The following BRIP1 variants were observed in gnomAD, a reference collection of about 807,000 sequenced individuals.
BRIP1 encodes BRCA1 interacting DNA helicase 1.
A neutral mutation model predicts 119.7 loss-of-function variants in BRIP1; 88 were observed. The observed-to-expected ratio is 0.74, with a 90% CI of 0.62 to 0.88. The LOEUF (loss-of-function observed/expected upper bound fraction) is 0.88, where lower values mean the gene tolerates loss of function less well. BRIP1 is among the 40% of genes least tolerant of loss of function. The probability of loss-of-function intolerance (pLI) is 0.00; values close to 1 mark genes in which losing one functional copy is unlikely to be tolerated. For synonymous variants in BRIP1, 443 were observed against 496.5 expected, an observed-to-expected ratio of 0.89 and a Z score of 1.43; for missense variants, 1,259 against 1,455.4, an observed-to-expected ratio of 0.87 and a Z score of 2.20.
intron 17 of BRIP1, among the ~76,000 whole-genome samples, chr17:61,696,683 T>C (rs1318934477): frequency 1.1e-4 from 12 of 105,804 alleles, no homozygotes; most frequent in Non-Finnish European, 1.5e-4. Flanking sequence ...AGACTTTGTC[T>C]CACAAAAAAA....
rs2078021967 is a variant in BRIP1 at position 61,803,199 on chromosome 17, ATTC to A, written c.919-1728_919-1726del. Among the ~76,000 whole-genome samples the A allele has an allele frequency of 6.6e-6, 1 of 152,174 alleles. No homozygotes were observed. Among genetic ancestry groups the A allele is most frequent in the South Asian group, 2.1e-4 (1 of 4,820 alleles). The stretch of plus-strand genomic sequence containing the variant: ...AACCTCCGCCTCCCAGGTTCAAGCA[ATTC>A]TTGTGCCTCAGCCACCAAGTAGCTG... On this transcript the variant is annotated intron_variant, in intron 7 of 19. Coordinates refer to ENST00000259008, the MANE Select transcript of BRIP1 (RefSeq NM_032043.3). This position sits in a 1 kb window ranked among gnomAD's most constrained non-coding sequence, Gnocchi z 4.3.
Position 61,744,339 on chromosome 17 carries a change from G to A in BRIP1, c.2257+93C>T. 3 of 1,346,310 alleles carry A rather than the reference G, an allele frequency of 2.2e-6. No individual in the cohort carries two copies. The South Asian group carries it at 3.8e-5, about 17-fold the overall frequency. 83.4% of individuals were successfully genotyped at this position (1,346,310 alleles called of 1,614,324 possible). On this transcript the variant is annotated intron_variant, in intron 15 of 19. Coordinates refer to ENST00000259008, the MANE Select transcript of BRIP1 (RefSeq NM_032043.3). The surrounding 1 kb of genome is among the most constrained non-coding windows in gnomAD (Gnocchi z 5.0). Reference sequence around the variant, plus strand: ...CAGGATTATAATTTTTCTCTTAAGTGTAATTCATCTAAAAATATAAAATTA... The same window carrying A: ...CAGGATTATAATTTTTCTCTTAAGTATAATTCATCTAAAAATATAAAATTA...
chr17:61,680,843 CT>C lies in BRIP1; in HGVS notation c.*2452del, dbSNP rs2061260752. Among the ~76,000 whole-genome samples the C allele has an allele frequency of 6.6e-6, 1 of 152,146 alleles. No individual in the cohort carries two copies. Among genetic ancestry groups the C allele is most frequent in the African/African-American group, 2.4e-5 (1 of 41,416 alleles). ...TAGCATTGCGAAAATAAATATCTAG[CT>C]TTCCAAGTTATTATGCACATATACC... is the stretch of plus-strand genomic sequence containing the variant. On this transcript the variant is annotated 3_prime_UTR_variant, in exon 20 of 20. Transcript: ENST00000259008.
In BRIP1 at chr17:61,683,515, T is replaced by C. The variant is rs181186298; in HGVS notation, c.3531A>G (p.Lys1177=). The C allele has an allele frequency of 1.2e-6, 2 of 1,613,544 alleles. No individual in the cohort carries two copies. The highest frequency in any genetic ancestry group is 2.2e-5 in the East Asian group (1 of 44,848). Residue 1177 remains lysine, a synonymous_variant, in exon 20 of 20, where the codon AAA becomes AAG. Transcript: ENST00000259008. The surrounding 1 kb of genome is among the most constrained non-coding windows in gnomAD (Gnocchi z 4.7). The stretch of plus-strand genomic sequence containing the variant: ...TCACTTCTCTGGCTGAATCTACTTC[T>C]TTTATAGTTCTAATTTCAAAAAGGT... The part of the protein sequence containing the change: ...AKDLFEIRTI[K]EVDSAREVKA...
intron 6 of BRIP1, among the ~76,000 whole-genome samples, chr17:61,836,935 T>C (rs1478100688): frequency 1.3e-5 from 2 of 152,204 alleles, no homozygotes; most frequent in African/African-American, 4.8e-5. Flanking sequence ...AGAGCCAGAC[T>C]GCCTGGGTTT....
At chr17:61,850,751 C>A (rs1328076294) in intron 4 of BRIP1, among the ~76,000 whole-genome samples, 5 of 151,738 alleles carry the variant, frequency 3.3e-5, no homozygotes, top group African/African-American at 9.7e-5. Flanking sequence ...TCTCTTGAAC[C>A]TGGGAGGCAG....
intron 3 of BRIP1, among the ~76,000 whole-genome samples, chr17:61,858,465 C>T (rs2078929435): frequency 6.6e-6 from 1 of 151,992 alleles, no homozygotes; most frequent in Admixed American, 6.6e-5. Flanking sequence ...CCTCCACCTC[C>T]CAGGTTCAAG....
At chr17:61,698,596 T>TC (rs2061562698) in intron 17 of BRIP1, among the ~76,000 whole-genome samples, 1 of 152,254 alleles carries the variant, frequency 6.6e-6, no homozygotes, top group African/African-American at 2.4e-5. Context: ...TATGGAAGTC[T>TC]CCAAGTATTA....
In BRIP1 at chr17:61,743,413, T is replaced by G. The variant is rs1238657706; in HGVS notation, c.2258-279A>C. On this transcript the variant is annotated intron_variant, in intron 15 of 19. Coordinates refer to ENST00000259008, the MANE Select transcript of BRIP1 (RefSeq NM_032043.3). The surrounding 1 kb of genome is among the most constrained non-coding windows in gnomAD (Gnocchi z 4.3). ...AAACATGTCAGAATAGCAACTTGCA[T>G]ATGAACTGTGTGATTATAAACAGGT... Among the ~76,000 whole-genome samples the G allele has an allele frequency of 1.3e-4, 20 of 152,202 alleles. No homozygotes were observed. The highest frequency in any genetic ancestry group is 2.9e-4 in the Non-Finnish European group (20 of 68,032).
chr17:61,816,402 T>C lies in BRIP1; in HGVS notation c.628-7645A>G, dbSNP rs769759700. On this transcript the variant is annotated intron_variant, in intron 6 of 19. Transcript: ENST00000259008. The surrounding 1 kb of genome is among the most constrained non-coding windows in gnomAD (Gnocchi z 5.0). ...GAAGGTTGTAAGCAATATGTTAAAC[T>C]GCAGTGGGCTAGCACATTAAGACAG... Among the ~76,000 whole-genome samples, 15 of 152,216 alleles carry C rather than the reference T, an allele frequency of 9.9e-5. No homozygotes were observed. The highest frequency in any genetic ancestry group is 2.9e-5 in the Non-Finnish European group (2 of 68,028).
In BRIP1 at chr17:61,683,918, C is replaced by T. The variant is rs1555572825; in HGVS notation, c.3128G>A (p.Ser1043Asn). ...PPRFKTEKME[S>N]KTVLPFTDKC... ...ATCAGTGAAGGGCAAAACAGTTTTACTTTCCATCTTCTCTGTTTTGAAACG... is the reference window on the plus strand; with the variant it reads ...ATCAGTGAAGGGCAAAACAGTTTTATTTTCCATCTTCTCTGTTTTGAAACG... Residue 1043 changes from serine (S) to asparagine (N), a missense_variant, in exon 20 of 20, where the codon AGT becomes AAT. Transcript: ENST00000259008. This position sits in a 1 kb window ranked among gnomAD's most constrained non-coding sequence, Gnocchi z 4.7. The T allele has an allele frequency of 1.2e-6, 2 of 1,614,188 alleles. No homozygotes were observed. Among genetic ancestry groups the T allele is most frequent in the Non-Finnish European group, 1.7e-6 (2 of 1,180,028 alleles).
rs8067244 is a variant in BRIP1, at chr17:61,825,193, G to C, written c.628-16436C>G. On this transcript the variant is annotated intron_variant, in intron 6 of 19. Coordinates refer to ENST00000259008, the MANE Select transcript of BRIP1 (RefSeq NM_032043.3). The surrounding 1 kb of genome is among the most constrained non-coding windows in gnomAD (Gnocchi z 4.1). Reference sequence around the variant, plus strand: ...TCAGCTACTAGGGAGGCTGAGGCAGGAGAATGGCGTGAACCTGGGAGGCGG... The same window carrying C: ...TCAGCTACTAGGGAGGCTGAGGCAGCAGAATGGCGTGAACCTGGGAGGCGG... 0.36 allele frequency among the ~76,000 whole-genome samples: 55,015 copies of C among 151,708 alleles called. 10,572 individuals carry two copies. The highest frequency in any genetic ancestry group is 0.44 in the Non-Finnish European group (29,836 of 67,894).
Position 61,740,022 on chromosome 17 carries a change from G to A in BRIP1, c.2379+2991C>T, listed in dbSNP as rs2076966411. ...GGCAAAATGGAGCAATTGTTTTCAG[G>A]TAGTAGACACCAAACAGCACAAGAC... On this transcript the variant is annotated intron_variant, in intron 16 of 19. Transcript: ENST00000259008. This position sits in a 1 kb window ranked among gnomAD's most constrained non-coding sequence, Gnocchi z 5.4. Among the ~76,000 whole-genome samples, 1 of 152,124 alleles carries A rather than the reference G, an allele frequency of 6.6e-6. No homozygotes were observed. The highest frequency in any genetic ancestry group is 1.5e-5 in the Non-Finnish European group (1 of 68,016).
chr17:61,766,199 A>AT (rs1400051110), intron 14 of BRIP1, among the ~76,000 whole-genome samples: 7 of 152,234 alleles, frequency 4.6e-5, no homozygotes, highest in Non-Finnish European at 7.3e-5. Context: ...GCTTTCACTA[A>AT]TTAAATGTAT....
At position 61,851,907 on chromosome 17, in the gene BRIP1, G is replaced by A. The variant is rs1431185734; in HGVS notation, c.380-2651C>T. ...TCCCAGGCATACTGGGCAATGTCTGGAGACATTTTTCGTTGTCACAAAAAG... is the reference window on the plus strand; with the variant it reads ...TCCCAGGCATACTGGGCAATGTCTGAAGACATTTTTCGTTGTCACAAAAAG... On this transcript the variant is annotated intron_variant, in intron 4 of 19. Transcript: ENST00000259008. This position sits in a 1 kb window ranked among gnomAD's most constrained non-coding sequence, Gnocchi z 4.6. 6.6e-6 allele frequency among the ~76,000 whole-genome samples: 1 copy of A among 152,144 alleles called. No individual in the cohort carries two copies. Among genetic ancestry groups the A allele is most frequent in the Non-Finnish European group, 1.5e-5 (1 of 68,034 alleles).
At position 61,716,058 on chromosome 17, in the gene BRIP1, T is replaced by G. The variant is rs1486758464; in HGVS notation, c.2385A>C (p.Glu795Asp). The G allele has an allele frequency of 6.3e-7, 1 of 1,575,840 alleles. No homozygotes were observed. Residue 795 changes from glutamate to aspartate, a missense_variant, in exon 17 of 20, where the codon GAA becomes GAC. Glu to Asp is a conservative substitution (Grantham distance 45). Transcript: ENST00000259008. ...GGTGGTCATTGTATTGTCGTTTTAG[T>G]TCAACCTAATAATTTTAAAATATAT... ...PFPNVKDLQV[E>D]LKRQYNDHHS...
intron 17 of BRIP1, among the ~76,000 whole-genome samples, chr17:61,697,336 CAAAAAAAAAAAAAAAAAAAAAAA>C (rs55963888): frequency 6.8e-5 from 4 of 59,142 alleles, no homozygotes; most frequent in Admixed American, 2.5e-4. Context: ...GACTCTGTCT[CAAAAAAAAAAAAAAAAAAAAAAA>C]AAAAAAAAAA....
rs2078004644 is a variant in BRIP1 at position 61,802,048 on chromosome 17, A to G, written c.919-574T>C. Among the ~76,000 whole-genome samples the G allele has an allele frequency of 6.6e-6, 1 of 152,242 alleles. No individual in the cohort carries two copies. The highest frequency in any genetic ancestry group is 6.5e-5 in the Admixed American group (1 of 15,282). ...CTACAAAATATTCAGGAGTACCAAAAAAAGCCTAAATTATCCATAATTCTA... is the reference window on the plus strand; with the variant it reads ...CTACAAAATATTCAGGAGTACCAAAGAAAGCCTAAATTATCCATAATTCTA... On this transcript the variant is annotated intron_variant, in intron 7 of 19. Transcript: ENST00000259008. This position sits in a 1 kb window ranked among gnomAD's most constrained non-coding sequence, Gnocchi z 6.0.
At chr17:61,850,321 C>T (rs1270902693) in intron 4 of BRIP1, among the ~76,000 whole-genome samples, 4 of 151,830 alleles carry the variant, frequency 2.6e-5, no homozygotes, top group Non-Finnish European at 4.4e-5. Context: ...AGGCTGGTCT[C>T]GAACTCCTGA....
Sources: gnomAD v4.1 joint callset for allele counts (sites outside exome capture counted in the v4.1 genomes callset) on GRCh38, gnomAD v4.1.1 for gene constraint, Gnocchi (gnomAD v3.1) non-coding constraint, MANE v1.5 for transcripts, NCBI Gene and HGNC (gene_info 2026-07-23, HGNC 2026-07-21) for gene names.